UST: variants seen among roughly 807,000 people sequenced by gnomAD.
The protein encoded by UST is chondroitin sulfate 2-O-sulfotransferase.
Under a neutral mutation model 45.6 loss-of-function variants are expected in UST, and 21 were observed. The ratio of observed to expected loss-of-function variants is 0.46; its 90% CI spans 0.33 to 0.66. The LOEUF is 0.66. Among genes scored for constraint, UST ranks in the 30% least tolerant of loss-of-function variants. UST has a pLI of 0.02. For missense variants in UST, 463 were observed against 512.4 expected (o/e 0.90, Z 0.93); for synonymous variants, 215 against 200.6 (o/e 1.07, Z -0.61).
At chr6:148,997,249 T>G (rs1781469865) in intron 5 of UST, among the ~76,000 whole-genome samples, 1 of 152,212 alleles carries the variant, frequency 6.6e-6, no homozygotes, top group South Asian at 2.1e-4. Context: ...GGGGCTTGAT[T>G]TCGTAGCTTT....
rs562814267 is a variant in UST at position 148,777,564 on chromosome 6, A to G, written c.247+29887A>G. 2.0e-5 allele frequency among the ~76,000 whole-genome samples: 3 copies of G among 152,238 alleles called. No homozygotes were observed. The South Asian group carries it at 6.2e-4, about 32-fold the overall frequency. On this transcript the variant is annotated intron_variant, in intron 1 of 7. Coordinates refer to ENST00000367463, the MANE Select transcript of UST (RefSeq NM_005715.3). ...TCCATGTTAATTTTTTTGTTTTTTG[A>G]GACGGAGTCTCGCTCTGTCACCCAG...
intron 2 of UST, among the ~76,000 whole-genome samples, chr6:148,915,447 A>G (rs953990159): frequency 1.9e-4 from 29 of 152,170 alleles, no homozygotes; most frequent in African/African-American, 6.8e-4. Flanking sequence ...AGGGTAGGAA[A>G]AAAAAGCCCT....
At chr6:148,879,939 TTC>T (rs376826490) in intron 1 of UST, among the ~76,000 whole-genome samples, 1 of 107,774 alleles carries the variant, frequency 9.3e-6, no homozygotes, top group African/African-American at 4.2e-5. Flanking sequence ...CTTTTCTTTT[TTC>T]TTTTTTTTTT....
At chr6:148,870,972 T>C (rs1380396319) in intron 1 of UST, among the ~76,000 whole-genome samples, 3 of 152,204 alleles carry the variant, frequency 2.0e-5, no homozygotes, top group African/African-American at 7.2e-5. Context: ...TGTGTCCCTC[T>C]AAAATCTATA....
At chr6:148,921,647 C>T (rs1251702659) in intron 2 of UST, among the ~76,000 whole-genome samples, 1 of 152,196 alleles carries the variant, frequency 6.6e-6, no homozygotes, top group East Asian at 1.9e-4. Flanking sequence ...GAGAGACCCA[C>T]CAAGCTTTCT....
At chr6:148,873,929 G>C (rs1436776449) in intron 1 of UST, among the ~76,000 whole-genome samples, 2 of 152,246 alleles carry the variant, frequency 1.3e-5, no homozygotes, top group African/African-American at 2.4e-5. Context: ...CTTATCAGGG[G>C]TGCTTCGTGC....
intron 1 of UST, among the ~76,000 whole-genome samples, chr6:148,775,968 A>G (rs1333799959): frequency 1.3e-5 from 2 of 152,122 alleles, no homozygotes; most frequent in African/African-American, 4.8e-5. Flanking sequence ...TTCTAGGAGA[A>G]CAGGACGTAT....
Position 149,049,908 on chromosome 6 carries a change from G to GTCTC in UST, c.938-23904_938-23901dup, listed in dbSNP as rs138243742. Among the ~76,000 whole-genome samples, 6 of 142,556 alleles carry GTCTC rather than the reference G, an allele frequency of 4.2e-5. No individual in the cohort carries two copies. In the East Asian group the frequency reaches 1.0e-3, roughly 25 times the overall value. The allele number at this position is 142,556 out of a possible 152,430, so 93.5% of individuals were successfully genotyped here. A position where few individuals can be genotyped will look rare whatever the true frequency, so the allele number is the denominator to read the frequency against. The stretch of plus-strand genomic sequence containing the variant: ...CAGTAGTTTTTTAAAAACTCACCTT[G>GTCTC]TCTCTCTCTCTCTCTCTCTCTCTCA... On this transcript the variant is annotated intron_variant, in intron 7 of 7. Transcript: ENST00000367463.
Position 149,075,469 on chromosome 6 carries a change from C to G in UST, c.*1353C>G, listed in dbSNP as rs907223464. On this transcript the variant is annotated 3_prime_UTR_variant, in exon 8 of 8. Coordinates refer to ENST00000367463, the MANE Select transcript of UST (RefSeq NM_005715.3). Reference sequence around the variant, plus strand: ...GCAGCAAGAGCTTCTGGGACAGAGACTGCTTGGCCAGCTTTGTAAGTAAGT... The same window carrying G: ...GCAGCAAGAGCTTCTGGGACAGAGAGTGCTTGGCCAGCTTTGTAAGTAAGT... 1.5e-4 allele frequency: 23 copies of G among 152,178 alleles called. No homozygotes were observed. Among genetic ancestry groups the G allele is most frequent in the African/African-American group, 5.3e-4 (22 of 41,430 alleles). 9.4% of individuals were successfully genotyped at this position (152,178 alleles called of 1,614,324 possible).
At chr6:148,983,173 C>T (rs922090460) in intron 5 of UST, among the ~76,000 whole-genome samples, 1 of 152,214 alleles carries the variant, frequency 6.6e-6, no homozygotes, top group Non-Finnish European at 1.5e-5. Context: ...ATTAAGTCAA[C>T]CGTCTTCCAA....
chr6:148,889,923 C>A (rs774277569), intron 2 of UST, among the ~76,000 whole-genome samples: 4 of 152,032 alleles, frequency 2.6e-5, no homozygotes, highest in Non-Finnish European at 5.9e-5. Context: ...CTCCCCCAAC[C>A]CCTAACTAAA....
At chr6:148,831,244 C>T (rs1777682552) in intron 1 of UST, among the ~76,000 whole-genome samples, 1 of 152,202 alleles carries the variant, frequency 6.6e-6, no homozygotes, top group South Asian at 2.1e-4. Context: ...ACTGTAACTT[C>T]TGCGGTACAA....
At chr6:149,011,935 G>A (rs1445582628) in intron 5 of UST, among the ~76,000 whole-genome samples, 1 of 151,430 alleles carries the variant, frequency 6.6e-6, no homozygotes, top group Admixed American at 6.6e-5. Flanking sequence ...AGTAAAGTTG[G>A]CATTATGTCT....
intron 1 of UST, among the ~76,000 whole-genome samples, chr6:148,879,949 T>TTTTCTTTTTTTC (rs1392500536): frequency 3.2e-4 from 42 of 129,776 alleles, no homozygotes; most frequent in Non-Finnish European, 4.0e-4. Flanking sequence ...TTCTTTTTTT[T>TTTTCTTTTTTTC]TTCTTTTTTT....
intron 1 of UST, among the ~76,000 whole-genome samples, chr6:148,883,146 G>A (rs1196279245): frequency 6.6e-6 from 1 of 152,194 alleles, no homozygotes; most frequent in African/African-American, 2.4e-5. Context: ...AAAAGTCATT[G>A]AATAGAAAAG....
chr6:148,789,659 C>T (rs922642287), intron 1 of UST, among the ~76,000 whole-genome samples: 2 of 152,014 alleles, frequency 1.3e-5, no homozygotes, highest in African/African-American at 4.8e-5. Flanking sequence ...TAGTGATTCT[C>T]CTGTCTCAGC....
chr6:148,989,132 G>C (rs1478109984), intron 5 of UST, among the ~76,000 whole-genome samples: 1 of 151,852 alleles, frequency 6.6e-6, no homozygotes, highest in Non-Finnish European at 1.5e-5. Flanking sequence ...TATCATTTGA[G>C]GCCTCTAGAC....
intron 1 of UST, among the ~76,000 whole-genome samples, chr6:148,806,379 C>T (rs182789030): frequency 5.9e-5 from 9 of 152,276 alleles, no homozygotes; most frequent in Non-Finnish European, 1.2e-4. Context: ...TGCTCTGTCA[C>T]CCAGGCTGGA....
intron 2 of UST, among the ~76,000 whole-genome samples, chr6:148,905,430 TG>T (rs1441277914): frequency 2.0e-5 from 3 of 152,154 alleles, no homozygotes; most frequent in Non-Finnish European, 4.4e-5. Flanking sequence ...CTCCACTCCA[TG>T]GAAACAGAAT....
Sources: gnomAD v4.1 joint callset for allele counts (sites outside exome capture counted in the v4.1 genomes callset) on GRCh38, gnomAD v4.1.1 for gene constraint, MANE v1.5 for transcripts, NCBI Gene and HGNC (gene_info 2026-07-23, HGNC 2026-07-21) for gene names.